TMEM131: variants seen among roughly 807,000 people sequenced by gnomAD.
TMEM131 encodes transmembrane protein 131, also known as 2610524E03Rik.
TMEM131 carries 66 observed loss-of-function variants against 211.6 expected under a neutral mutation model. The ratio of observed to expected loss-of-function variants is 0.31; its 90% CI spans 0.26 to 0.38. TMEM131 has a LOEUF of 0.38. Among genes scored for constraint, TMEM131 ranks in the 10% least tolerant of loss-of-function variants. The probability of loss-of-function intolerance (pLI) is 1.00; values close to 1 mark genes in which losing one functional copy is unlikely to be tolerated. For synonymous variants in TMEM131, 844 were observed against 841.3 expected (o/e 1.00, Z -0.06); for missense variants, 2,036 against 2,299.3 (o/e 0.89, Z 2.34).
chr2:97,991,922 T>G (rs1460390294), intron 1 of TMEM131, among the ~76,000 whole-genome samples: 1 of 152,150 alleles, frequency 6.6e-6, no homozygotes, highest in South Asian at 2.1e-4. Flanking sequence ...GAGGGTCCAC[T>G]GTAAGAATTA....
chr2:97,783,898 T>C (rs1299818660), intron 31 of TMEM131, among the ~76,000 whole-genome samples: 1 of 150,372 alleles, frequency 6.7e-6, no homozygotes, highest in Non-Finnish European at 1.5e-5. Flanking sequence ...CAGGTTGAAG[T>C]AAAAGGATGG....
chr2:97,805,134 T>A lies in TMEM131; in HGVS notation c.2356A>T (p.Ser786Cys), dbSNP rs955765726. ...ATTCCTGTCCATCCCTTGAACAGGC[T>A]TTGATGCAAATCCCAGTCAGCATCC... ...MWDADWDLHQ[S>C]LFKGWTGIKE... Residue 786 changes from serine to cysteine, a missense_variant, in exon 22 of 41, where the codon AGC becomes TGC. Coordinates refer to ENST00000186436, the MANE Select transcript of TMEM131 (RefSeq NM_015348.2). 3 of 1,613,840 alleles carry A rather than the reference T, an allele frequency of 1.9e-6. No homozygotes were observed. In the African/African-American group the frequency reaches 4.0e-5, roughly 22 times the overall value.
In TMEM131 at chr2:97,827,582, T is replaced by C. The variant is rs893274355; in HGVS notation, c.1074+5783A>G. The C allele has an allele frequency of 3.3e-6, 3 of 904,154 alleles. No homozygotes were observed. In the African/African-American group the frequency reaches 4.9e-5, roughly 15 times the overall value. 56.0% of individuals were successfully genotyped at this position (904,154 alleles called of 1,614,324 possible). ...TATACCATGTCTTATCAGTGGTCCC[T>C]GTCTCCCTTCTTGTACAATCCAGAG... On this transcript the variant is annotated intron_variant, in intron 11 of 40. Transcript: ENST00000186436.
intron 4 of TMEM131, among the ~76,000 whole-genome samples, chr2:97,868,053 C>T (rs1002399019): frequency 2.6e-5 from 4 of 152,114 alleles, no homozygotes; most frequent in African/African-American, 9.7e-5. Flanking sequence ...AAATCCCATG[C>T]CCTAAGGGTA....
rs1226414856 is a variant in TMEM131, at chr2:97,934,568, A to G, written c.188-7081T>C. On this transcript the variant is annotated intron_variant, in intron 1 of 40. Coordinates refer to ENST00000186436, the MANE Select transcript of TMEM131 (RefSeq NM_015348.2). Reference sequence around the variant, plus strand: ...TAGAATTGCTAAAAACAATCTTCAAAAACAAGAATAAAGTGAGAGGAATCA... The same window carrying G: ...TAGAATTGCTAAAAACAATCTTCAAGAACAAGAATAAAGTGAGAGGAATCA... 2.0e-5 allele frequency among the ~76,000 whole-genome samples: 3 copies of G among 152,192 alleles called. No individual in the cohort carries two copies. In the East Asian group the frequency reaches 5.8e-4, roughly 29 times the overall value.
chr2:97,768,138 T>A (rs1005330660), intron 33 of TMEM131, among the ~76,000 whole-genome samples: 46 of 152,218 alleles, frequency 3.0e-4, no homozygotes, highest in African/African-American at 9.6e-4. Flanking sequence ...CTGGAATTAG[T>A]AAGAGAGCAA....
In TMEM131 at chr2:97,927,452, G is replaced by T. The variant is rs530820778; in HGVS notation, c.223C>A (p.Arg75Ser). Residue 75 changes from arginine to serine, a missense_variant, in exon 2 of 41, where the codon CGT becomes AGT. This residue lies in a region of TMEM131 where 136 missense variants were observed against 115.4 expected (regional missense o/e 1.18). Coordinates refer to ENST00000186436, the MANE Select transcript of TMEM131 (RefSeq NM_015348.2). ...TGTAGTAGCCCTCCATCATCAAAAC[G>T]CAGTACTTCTATTATGCTCTCTGAC... ...VQSESIIEVL[R>S]FDDGGLLQTE... The T allele has an allele frequency of 5.0e-6, 8 of 1,585,998 alleles. No individual in the cohort carries two copies. Among genetic ancestry groups the T allele is most frequent in the Admixed American group, 3.5e-5 (2 of 57,232 alleles).
intron 1 of TMEM131, among the ~76,000 whole-genome samples, chr2:97,992,104 T>TACCC (rs1680294006): frequency 1.3e-5 from 2 of 152,210 alleles, no homozygotes; most frequent in African/African-American, 4.8e-5. Flanking sequence ...AATTAAAAGG[T>TACCC]ACCCACTCTA....
intron 5 of TMEM131, among the ~76,000 whole-genome samples, chr2:97,845,126 C>T (rs934810132): frequency 2.0e-5 from 3 of 149,408 alleles, no homozygotes; most frequent in African/African-American, 7.4e-5. Flanking sequence ...TGTAGTGCAA[C>T]AAAAGAATAA....
chr2:97,986,873 T>C (rs1027939294), intron 1 of TMEM131, among the ~76,000 whole-genome samples: 7 of 152,358 alleles, frequency 4.6e-5, no homozygotes, highest in South Asian at 4.1e-4. Flanking sequence ...CTAATAACTT[T>C]TGGAATGACA....
chr2:97,959,929 G>A (rs1573618161), intron 1 of TMEM131, among the ~76,000 whole-genome samples: 1 of 152,174 alleles, frequency 6.6e-6, no homozygotes, highest in East Asian at 1.9e-4. Context: ...TCAAGACCTA[G>A]TGTTTTACAG....
At chr2:97,797,972 C>T (rs1211731896) in intron 25 of TMEM131, among the ~76,000 whole-genome samples, 2 of 152,182 alleles carry the variant, frequency 1.3e-5, no homozygotes, top group African/African-American at 4.8e-5. Flanking sequence ...CCAGGGCCAA[C>T]ACCTCAGGCC....
At chr2:97,951,891 G>A (rs1328936416) in intron 1 of TMEM131, among the ~76,000 whole-genome samples, 1 of 152,144 alleles carries the variant, frequency 6.6e-6, no homozygotes, top group Non-Finnish European at 1.5e-5. Flanking sequence ...AGGCGCAGTG[G>A]CTCACACCTG....
intron 3 of TMEM131, among the ~76,000 whole-genome samples, chr2:97,891,494 G>T (rs1675373458): frequency 1.5e-5 from 2 of 134,268 alleles, no homozygotes. Context: ...CAATACAATT[G>T]GTTTTATAAA....
chr2:97,932,754 G>A (rs995388858), intron 1 of TMEM131, among the ~76,000 whole-genome samples: 3 of 151,474 alleles, frequency 2.0e-5, no homozygotes, highest in South Asian at 2.1e-4. Context: ...TCTGAAGCTC[G>A]CACTGCAAAT....
At chr2:97,812,776 A>T (rs76094025) in intron 15 of TMEM131, 27 bp from the exon 16 acceptor site, 29 of 1,264,178 alleles carry the variant, frequency 2.3e-5, no homozygotes, top group East Asian at 1.2e-4. Context: ...GAACCAGATT[A>T]AAAAAAAGTC....
intron 11 of TMEM131, among the ~76,000 whole-genome samples, chr2:97,830,569 T>C (rs1386590934): frequency 1.3e-5 from 2 of 152,222 alleles, no homozygotes; most frequent in Non-Finnish European, 2.9e-5. Context: ...TTTCTAATAA[T>C]TTGTGTATGA....
intron 1 of TMEM131, among the ~76,000 whole-genome samples, chr2:97,986,768 G>A (rs1054301785): frequency 6.6e-6 from 1 of 152,188 alleles, no homozygotes; most frequent in Admixed American, 6.5e-5. Flanking sequence ...CTTCAGATGA[G>A]CCCATGTCAC....
chr2:97,782,918 C>A (rs1680079999), intron 31 of TMEM131, among the ~76,000 whole-genome samples: 1 of 147,130 alleles, frequency 6.8e-6, no homozygotes, highest in African/African-American at 2.5e-5. Flanking sequence ...CCTAAAGAAA[C>A]AATGGGTAAA....
Sources: gnomAD v4.1 joint callset for allele counts (sites outside exome capture counted in the v4.1 genomes callset) on GRCh38, gnomAD v4.1.1 for gene constraint, gnomAD v4.1.1 regional missense constraint, MANE v1.5 for transcripts, NCBI Gene and HGNC (gene_info 2026-07-23, HGNC 2026-07-21) for gene names.